AFDN: variants seen among roughly 807,000 people sequenced by gnomAD.
The protein encoded by AFDN is afadin, adherens junction formation factor.
AFDN carries 68 observed loss-of-function variants against 216.6 expected under a neutral mutation model. The ratio of observed to expected loss-of-function variants is 0.31; its 90% CI spans 0.26 to 0.38. The LOEUF (loss-of-function observed/expected upper bound fraction) is 0.38, where lower values mean the gene tolerates loss of function less well. Among genes scored for constraint, AFDN ranks in the 10% least tolerant of loss-of-function variants. The probability of loss-of-function intolerance (pLI) is 1.00; values close to 1 mark genes in which losing one functional copy is unlikely to be tolerated. For synonymous variants in AFDN, 868 were observed against 853.7 expected (o/e 1.02, Z -0.29); for missense variants, 2,136 against 2,342.0 (o/e 0.91, Z 1.82).
At chr6:167,864,213 AATAGTATCTGT>A in intron 1 of AFDN, 4 of 525,958 alleles carry the variant, frequency 7.6e-6, no homozygotes, top group South Asian at 5.7e-5. Flanking sequence ...AGGGTTAAAT[AATAGTATCTGT>A]TGAGCTGCAT....
intron 23 of AFDN, among the ~76,000 whole-genome samples, chr6:167,937,202 G>C (rs7772997): frequency 0.054 from 8,191 of 152,174 alleles, 739 homozygotes; most frequent in African/African-American, 0.19. Flanking sequence ...CCCGAATGCC[G>C]ACCAAAATGT....
At chr6:167,902,179 T>A (rs1789060286) in intron 11 of AFDN, 138 bp from the exon 12 acceptor site, 4 of 589,236 alleles carry the variant, frequency 6.8e-6, no homozygotes, top group Non-Finnish European at 1.2e-5. Flanking sequence ...ATTCTGTAAG[T>A]TCGTGTGCTG....
At chr6:167,855,371 A>T (rs748301402) in intron 1 of AFDN, among the ~76,000 whole-genome samples, 3 of 152,100 alleles carry the variant, frequency 2.0e-5, no homozygotes, top group African/African-American at 4.8e-5. Context: ...AAATATTTTT[A>T]AAAATTATAT....
chr6:167,899,898 G>T (rs879916358), intron 11 of AFDN, among the ~76,000 whole-genome samples: 12 of 152,230 alleles, frequency 7.9e-5, no homozygotes, highest in Admixed American at 3.9e-4. Flanking sequence ...CACAATTCTA[G>T]TAGCAGCCTG....
At chr6:167,948,197 TA>T in intron 28 of AFDN, 95 bp from the exon 29 acceptor site, 1 of 1,037,358 alleles carries the variant, frequency 9.6e-7, no homozygotes, top group Non-Finnish European at 1.4e-6. Context: ...GTATTTAACA[TA>T]TACTATTTTT....
chr6:167,943,402 G>A lies in AFDN; in HGVS notation c.3166G>A (p.Asp1056Asn). The change falls in exon 25 of 34, where the codon GAT (aspartate) becomes AAT (asparagine). Residue 1056 changes from aspartate (D) to asparagine (N), a missense_variant and splice_region_variant. Coordinates refer to ENST00000683244, the MANE Select transcript of AFDN (RefSeq NM_001386888.1). ...TGCACACACCTGTGGATTTGCCTAG[G>A]ATGGACGTCTAGCTGCAGGTGATCA... ...SVVKGGAADV[D>N]GRLAAGDQLL... The A allele has an allele frequency of 1.9e-6, 3 of 1,614,128 alleles. No individual in the cohort carries two copies. Among genetic ancestry groups the A allele is most frequent in the Non-Finnish European group, 2.5e-6 (3 of 1,179,948 alleles).
chr6:167,896,010 T>A (rs1312755827), intron 9 of AFDN, among the ~76,000 whole-genome samples: 20 of 152,172 alleles, frequency 1.3e-4, no homozygotes, highest in Admixed American at 1.3e-3. Context: ...ATGTCAACTC[T>A]GAAATCAGAA....
At chr6:167,912,916 T>C (rs1187039193) in intron 15 of AFDN, among the ~76,000 whole-genome samples, 1 of 152,266 alleles carries the variant, frequency 6.6e-6, no homozygotes, top group South Asian at 2.1e-4. Flanking sequence ...AAGTTATTTA[T>C]ACACTTTTAA....
intron 23 of AFDN, among the ~76,000 whole-genome samples, chr6:167,929,085 T>G (rs1792939464): frequency 6.6e-6 from 1 of 152,190 alleles, no homozygotes; most frequent in Non-Finnish European, 1.5e-5. Flanking sequence ...TATTGTAATT[T>G]CAAGACTAGG....
Position 167,880,465 on chromosome 6 carries a change from T to C in AFDN, c.845T>C (p.Leu282Ser). Reference protein sequence around the residue: ...DPADFAVAEALEKYGLEKENP... With the variant: ...DPADFAVAEASEKYGLEKENP... ...GCAGACTTTGCTGTGGCTGAAGCTTTAGAGAAGTATGGTCTGGAAAAAGAA... is the reference window on the plus strand; with the variant it reads ...GCAGACTTTGCTGTGGCTGAAGCTTCAGAGAAGTATGGTCTGGAAAAAGAA... The change falls in exon 6 of 34, where the codon TTA (leucine) becomes TCA (serine). Residue 282 changes from leucine (L) to serine (S), a missense_variant. Leu to Ser is a moderately radical substitution (Grantham distance 145). Transcript: ENST00000683244. 1 of 1,613,872 alleles carries C rather than the reference T, an allele frequency of 6.2e-7. No individual in the cohort carries two copies. Among genetic ancestry groups the C allele is most frequent in the Non-Finnish European group, 8.5e-7 (1 of 1,179,826 alleles).
At chr6:167,929,842 C>A (rs1424937448) in intron 23 of AFDN, among the ~76,000 whole-genome samples, 1 of 152,126 alleles carries the variant, frequency 6.6e-6, no homozygotes, top group African/African-American at 2.4e-5. Context: ...AAATACCTTC[C>A]ACAGTGAATA....
intron 1 of AFDN, among the ~76,000 whole-genome samples, chr6:167,837,592 T>C (rs1562528068): frequency 6.6e-6 from 1 of 152,226 alleles, no homozygotes; most frequent in Non-Finnish European, 1.5e-5. Flanking sequence ...ACATGTGATA[T>C]ATACCTGACA....
chr6:167,911,494 G>A lies in AFDN; in HGVS notation c.2037+5G>A, dbSNP rs1237690145. 3 of 1,613,740 alleles carry A rather than the reference G, an allele frequency of 1.9e-6. No homozygotes were observed. The highest frequency in any genetic ancestry group is 2.5e-6 in the Non-Finnish European group (3 of 1,179,744). On this transcript the variant is annotated splice_donor_5th_base_variant and intron_variant, in intron 15 of 33. Transcript: ENST00000683244. ...ATGATGGAGGGTGTCATCCAGGTAC[G>A]TTCCAGCCGGCCAGCCATGCTCCTC... is the stretch of plus-strand genomic sequence containing the variant.
chr6:167,914,424 G>A lies in AFDN; in HGVS notation c.2204+111G>A, dbSNP rs950899207. On this transcript the variant is annotated intron_variant, in intron 17 of 33. Coordinates refer to ENST00000683244, the MANE Select transcript of AFDN (RefSeq NM_001386888.1). ...ATTTATATTTACCTTGATTGAAGGTGAATATAAAGAAGCATACATTTTTGC... is the reference window on the plus strand; with the variant it reads ...ATTTATATTTACCTTGATTGAAGGTAAATATAAAGAAGCATACATTTTTGC... The A allele has an allele frequency of 6.3e-5, 85 of 1,355,498 alleles. 1 individual carries two copies. Among genetic ancestry groups the A allele is most frequent in the Non-Finnish European group, 7.6e-5 (76 of 995,582 alleles). The allele number at this position is 1,355,498 out of a possible 1,614,324, so 84.0% of individuals were successfully genotyped here. A position where few individuals can be genotyped will look rare whatever the true frequency, so the allele number is the denominator to read the frequency against.
chr6:167,944,112 G>T, intron 26 of AFDN, 53 bp downstream of exon 26: 1 of 1,400,392 alleles, frequency 7.1e-7, no homozygotes, highest in South Asian at 1.2e-5. Flanking sequence ...CTCTTTGAAT[G>T]GTCACAAAAC....
intron 13 of AFDN, among the ~76,000 whole-genome samples, chr6:167,908,586 T>C (rs1476833944): frequency 6.6e-6 from 1 of 152,204 alleles, no homozygotes; most frequent in Non-Finnish European, 1.5e-5. Context: ...AATATTTGAG[T>C]AAATGAATTC....
At chr6:167,926,083 GTTTA>G (rs1367731494) in intron 23 of AFDN, among the ~76,000 whole-genome samples, 1 of 152,182 alleles carries the variant, frequency 6.6e-6, no homozygotes, top group Non-Finnish European at 1.5e-5. Context: ...AAAAATTTTA[GTTTA>G]TTTTTCTTTA....
chr6:167,861,012 G>A (rs560005543), intron 1 of AFDN, among the ~76,000 whole-genome samples: 39 of 152,228 alleles, frequency 2.6e-4, no homozygotes, highest in Non-Finnish European at 5.0e-4. Context: ...AATGCTGGCT[G>A]TACCTCAGCC....
At chr6:167,914,793 C>T in intron 18 of AFDN, 55 bp downstream of exon 18, 6 of 1,242,358 alleles carry the variant, frequency 4.8e-6, no homozygotes, top group Non-Finnish European at 5.9e-6. Context: ...CGTTTAGCAT[C>T]ATTTTAATGC....
Sources: allele counts gnomAD v4.1 joint callset (sites outside exome capture counted in the v4.1 genomes callset), GRCh38; gene constraint gnomAD v4.1.1; transcripts MANE v1.5; gene names NCBI Gene and HGNC (gene_info 2026-07-23, HGNC 2026-07-21).